Variants in ZRANB3 observed in about 807,000 individuals in gnomAD.
ZRANB3 encodes the protein DNA annealing helicase and endonuclease ZRANB3.
ZRANB3 carries 125 observed loss-of-function variants against 133.8 expected under a neutral mutation model. That is an observed-to-expected ratio of 0.93 (90% CI 0.81 to 1.08). ZRANB3 has a LOEUF of 1.08. Ranked by LOEUF, ZRANB3 falls within the 50% of genes least tolerant of loss-of-function variation. ZRANB3 has a pLI of 0.00. For missense variants in ZRANB3, 1,229 were observed against 1,275.5 expected (o/e 0.96, Z 0.56); for synonymous variants, 387 against 432.7 (o/e 0.89, Z 1.31).
At chr2:135,272,991 G>A (rs990563329) in intron 9 of ZRANB3, among the ~76,000 whole-genome samples, 11 of 151,814 alleles carry the variant, frequency 7.2e-5, no homozygotes, top group African/African-American at 2.7e-4. Flanking sequence ...CGACCATCCT[G>A]GCTAACATGG....
At chr2:135,376,450 C>T (rs534335920) in intron 3 of ZRANB3, among the ~76,000 whole-genome samples, 5 of 152,270 alleles carry the variant, frequency 3.3e-5, no homozygotes, top group African/African-American at 1.2e-4. Flanking sequence ...GTCTCTTCAT[C>T]TTTGTGAACG....
At chr2:135,400,346 C>T (rs911838690) in intron 2 of ZRANB3, among the ~76,000 whole-genome samples, 1 of 151,954 alleles carries the variant, frequency 6.6e-6, no homozygotes, top group African/African-American at 2.4e-5. Flanking sequence ...GTTTCTTTGT[C>T]TAGTCTTTTT....
chr2:135,512,605 T>C (rs1693513841), intron 1 of ZRANB3, among the ~76,000 whole-genome samples: 1 of 151,642 alleles, frequency 6.6e-6, no homozygotes, highest in Admixed American at 6.6e-5. Context: ...TACCCTTAAA[T>C]AGGAGGATTC....
intron 3 of ZRANB3, among the ~76,000 whole-genome samples, chr2:135,357,715 A>C (rs1685501591): frequency 1.3e-5 from 2 of 152,334 alleles, no homozygotes; most frequent in East Asian, 3.9e-4. Context: ...CCCAGCCAAA[A>C]AAATAAGTTA....
chr2:135,343,632 A>C (rs1684796097), intron 6 of ZRANB3, among the ~76,000 whole-genome samples: 1 of 150,048 alleles, frequency 6.7e-6, no homozygotes, highest in African/African-American at 2.5e-5. Flanking sequence ...TGAGAGACTC[A>C]TATCACATAT....
chr2:135,395,002 A>G (rs1266802682), intron 2 of ZRANB3, among the ~76,000 whole-genome samples: 2 of 151,932 alleles, frequency 1.3e-5, no homozygotes, highest in African/African-American at 4.8e-5. Context: ...AACAGAAAAA[A>G]CAATTCTAAA....
intron 8 of ZRANB3, among the ~76,000 whole-genome samples, chr2:135,289,391 G>A (rs1681565876): frequency 6.6e-6 from 1 of 152,216 alleles, no homozygotes; most frequent in South Asian, 2.1e-4. Flanking sequence ...AAGCAGCTGG[G>A]ATTATAGGTG....
chr2:135,348,880 T>C (rs1050381954), intron 5 of ZRANB3, among the ~76,000 whole-genome samples: 2 of 152,138 alleles, frequency 1.3e-5, no homozygotes, highest in South Asian at 2.1e-4. Context: ...AGGTATGAGC[T>C]ACTGAGTCCA....
At chr2:135,247,150 C>T (rs934417305) in intron 12 of ZRANB3, among the ~76,000 whole-genome samples, 1 of 152,150 alleles carries the variant, frequency 6.6e-6, no homozygotes, top group Non-Finnish European at 1.5e-5. Flanking sequence ...ATTAATAAAC[C>T]TATTTTACAA....
intron 1 of ZRANB3, among the ~76,000 whole-genome samples, chr2:135,507,017 C>G (rs527809142): frequency 6.6e-6 from 1 of 152,298 alleles, no homozygotes; most frequent in East Asian, 1.9e-4. Context: ...AAAGGGAAAG[C>G]ATGAAAGCAG....
intron 2 of ZRANB3, among the ~76,000 whole-genome samples, chr2:135,475,271 C>G (rs1691455075): frequency 6.6e-6 from 1 of 152,208 alleles, no homozygotes; most frequent in Admixed American, 6.6e-5. Context: ...GAAGCATTCA[C>G]TTAACATTGG....
chr2:135,312,753 C>T (rs1428530813), intron 8 of ZRANB3, among the ~76,000 whole-genome samples: 1 of 152,016 alleles, frequency 6.6e-6, no homozygotes, highest in East Asian at 1.9e-4. Context: ...CGGTGGCTTA[C>T]ACCTGTAATC....
At chr2:135,276,223 G>A (rs534282651) in intron 8 of ZRANB3, among the ~76,000 whole-genome samples, 3 of 150,156 alleles carry the variant, frequency 2.0e-5, no homozygotes, top group Non-Finnish European at 4.4e-5. Flanking sequence ...GAAGCTTAAG[G>A]TTTAAGGAAA....
chr2:135,445,022 G>C (rs977505002), intron 2 of ZRANB3, among the ~76,000 whole-genome samples: 1 of 152,090 alleles, frequency 6.6e-6, no homozygotes, highest in Non-Finnish European at 1.5e-5. Context: ...AATAGGACCT[G>C]AAAAATGGAA....
intron 1 of ZRANB3, among the ~76,000 whole-genome samples, chr2:135,514,044 T>C (rs980542093): frequency 2.0e-5 from 3 of 152,240 alleles, no homozygotes; most frequent in Admixed American, 6.5e-5. Context: ...TGTAGCCTTG[T>C]AGCACAGTTT....
At chr2:135,295,344 T>C (rs945538584) in intron 8 of ZRANB3, among the ~76,000 whole-genome samples, 9 of 152,134 alleles carry the variant, frequency 5.9e-5, no homozygotes, top group Non-Finnish European at 1.3e-4. Flanking sequence ...GCCTTCTTTG[T>C]CTCTTTTGAT....
chr2:135,402,769 A>G (rs1687798740), intron 2 of ZRANB3, among the ~76,000 whole-genome samples: 1 of 151,976 alleles, frequency 6.6e-6, no homozygotes, highest in Admixed American at 6.6e-5. Context: ...TATTTTTTGT[A>G]GAGACGAGGT....
intron 15 of ZRANB3, among the ~76,000 whole-genome samples, chr2:135,222,949 AAAAC>A (rs1031761325): frequency 5.9e-5 from 9 of 151,868 alleles, no homozygotes; most frequent in South Asian, 2.1e-4. Context: ...TCTCTCTCCA[AAAAC>A]AAACAAACAA....
Position 135,224,561 on chromosome 2 carries a change from C to G in ZRANB3, c.2159-44G>C. 2 of 1,442,324 alleles carry G rather than the reference C, an allele frequency of 1.4e-6. 1 individual carries two copies. The highest frequency in any genetic ancestry group is 2.4e-5 in the South Asian group (2 of 83,746). The allele number at this position is 1,442,324 out of a possible 1,614,324, so 89.3% of individuals were successfully genotyped here. Reference sequence around the variant, plus strand: ...GAGAACCTGAAGGCTTATCTACCCTCTATCTAAAATAGCTTATTTTAATCG... The same window carrying G: ...GAGAACCTGAAGGCTTATCTACCCTGTATCTAAAATAGCTTATTTTAATCG... On this transcript the variant is annotated intron_variant, in intron 14 of 20. Coordinates refer to ENST00000264159, the MANE Select transcript of ZRANB3 (RefSeq NM_032143.4).
Sources: gnomAD v4.1 joint callset for allele counts (sites outside exome capture counted in the v4.1 genomes callset) on GRCh38, gnomAD v4.1.1 for gene constraint, MANE v1.5 for transcripts, NCBI Gene and HGNC (gene_info 2026-07-23, HGNC 2026-07-21) for gene names.